SCMH1: variants seen among roughly 807,000 people sequenced by gnomAD.
The protein encoded by SCMH1 is polycomb protein SCMH1.
A neutral mutation model predicts 70.8 loss-of-function variants in SCMH1; 37 were observed. The ratio of observed to expected loss-of-function variants is 0.52; its 90% CI spans 0.40 to 0.69. The LOEUF (loss-of-function observed/expected upper bound fraction) is 0.69. Among genes scored for constraint, SCMH1 ranks in the 30% least tolerant of loss-of-function variants. SCMH1 has a pLI of 0.00. For missense variants in SCMH1, 607 were observed against 827.3 expected, an observed-to-expected ratio of 0.73 and a Z score of 3.27; for synonymous variants, 292 against 307.4, an observed-to-expected ratio of 0.95 and a Z score of 0.52.
At chr1:41,170,544 A>C (rs1646722673) in intron 2 of SCMH1, among the ~76,000 whole-genome samples, 1 of 152,078 alleles carries the variant, frequency 6.6e-6, no homozygotes, top group Non-Finnish European at 1.5e-5. Context: ...CACATTGCTG[A>C]CCCTACTATC....
chr1:41,076,591 T>C (rs1260470820), intron 8 of SCMH1, among the ~76,000 whole-genome samples: 1 of 152,172 alleles, frequency 6.6e-6, no homozygotes, highest in Non-Finnish European at 1.5e-5. Context: ...TGATTAAAAT[T>C]AATGCAGGGT....
intron 1 of SCMH1, among the ~76,000 whole-genome samples, chr1:41,226,393 T>G (rs1285437398): frequency 6.6e-6 from 1 of 151,974 alleles, no homozygotes; most frequent in Non-Finnish European, 1.5e-5. Context: ...AACTAGCAAA[T>G]ATAAAGCATA....
chr1:41,163,370 T>C lies in SCMH1; in HGVS notation c.14-1938A>G, dbSNP rs142767854. Among the ~76,000 whole-genome samples the C allele has an allele frequency of 1.7e-3, 259 of 152,230 alleles. 1 individual carries two copies. Among genetic ancestry groups the C allele is most frequent in the Non-Finnish European group, 2.7e-3 (186 of 68,006 alleles). On this transcript the variant is annotated intron_variant, in intron 2 of 14. Coordinates refer to ENST00000337495, the Ensembl canonical transcript of SCMH1. ...CTTGGAGGCGTGAGATCCAGGCTGA[T>C]AGCATGAGCAGCCTGCCAGGCCAAG...
chr1:41,054,806 G>T (rs1480498055), intron 10 of SCMH1, among the ~76,000 whole-genome samples: 1 of 152,156 alleles, frequency 6.6e-6, no homozygotes, highest in Non-Finnish European at 1.5e-5. Context: ...TACAGACAGG[G>T]TCTTGCTCTG....
At chr1:41,117,113 C>T (rs560011314) in intron 6 of SCMH1, 103 bp from the exon 7 acceptor site, 71 of 673,944 alleles carry the variant, frequency 1.1e-4, no homozygotes, top group Admixed American at 7.6e-4. Flanking sequence ...ACCGAGGGCA[C>T]GAGCTCTTCC....
intron 8 of SCMH1, among the ~76,000 whole-genome samples, chr1:41,091,380 G>A (rs904568201): frequency 6.6e-6 from 1 of 152,142 alleles, no homozygotes; most frequent in African/African-American, 2.4e-5. Context: ...TTGATGGGAT[G>A]TATCTCAAAA....
At chr1:41,052,441 T>C (rs2148726740) in intron 10 of SCMH1, among the ~76,000 whole-genome samples, 1 of 152,362 alleles carries the variant, frequency 6.6e-6, no homozygotes, top group South Asian at 2.1e-4. Context: ...AGTTTCATCC[T>C]GAAACCATCC....
At chr1:41,140,674 C>T (rs1267418061) in intron 6 of SCMH1, among the ~76,000 whole-genome samples, 1 of 152,118 alleles carries the variant, frequency 6.6e-6, no homozygotes, top group Non-Finnish European at 1.5e-5. Flanking sequence ...ACTGAGCACT[C>T]TAGTGTTCTG....
At chr1:41,222,464 G>GA (rs1476344914) in intron 1 of SCMH1, among the ~76,000 whole-genome samples, 2 of 151,786 alleles carry the variant, frequency 1.3e-5, no homozygotes, top group African/African-American at 2.4e-5. Flanking sequence ...CTTCATATAG[G>GA]AAAAAAACCC....
intron 11 of SCMH1, 81 bp downstream of exon 11, chr1:41,048,609 C>T (rs1281107903): frequency 1.6e-6 from 2 of 1,266,724 alleles, no homozygotes; most frequent in African/African-American, 2.9e-5. Flanking sequence ...AAGTGGGAAC[C>T]AGGATGCCTT....
chr1:41,053,723 CA>C (rs1449454839), intron 10 of SCMH1, among the ~76,000 whole-genome samples: 2 of 152,180 alleles, frequency 1.3e-5, no homozygotes, highest in African/African-American at 4.8e-5. Context: ...GGCTGACACA[CA>C]TGGCATTGGC....
chr1:41,113,627 G>A lies in SCMH1; in HGVS notation c.502-101C>T. ...GATGATTAAAAAGTGACTGCTACAT[G>A]AGACTTATAATGGATATATAGCCTT... is the stretch of plus-strand genomic sequence containing the variant. On this transcript the variant is annotated intron_variant, in intron 7 of 14. Coordinates refer to ENST00000337495, the Ensembl canonical transcript of SCMH1. This position sits in a 1 kb window ranked among gnomAD's most constrained non-coding sequence, Gnocchi z 4.3. 1.5e-6 allele frequency: 2 copies of A among 1,296,276 alleles called. No homozygotes were observed. The highest frequency in any genetic ancestry group is 1.6e-5 in the South Asian group (1 of 63,360). The allele number at this position is 1,296,276 out of a possible 1,614,324, so 80.3% of individuals were successfully genotyped here.
At chr1:41,190,663 A>G (rs959527287) in intron 1 of SCMH1, among the ~76,000 whole-genome samples, 2 of 152,208 alleles carry the variant, frequency 1.3e-5, no homozygotes, top group Non-Finnish European at 2.9e-5. Context: ...TGTAGCATGG[A>G]CAGTGTGTGT....
chr1:41,109,022 T>C (rs1668642116), intron 8 of SCMH1, among the ~76,000 whole-genome samples: 3 of 152,156 alleles, frequency 2.0e-5, no homozygotes, highest in Admixed American at 2.0e-4. Flanking sequence ...AAATGAAGCT[T>C]TGAAGAAGGG....
intron 10 of SCMH1, among the ~76,000 whole-genome samples, chr1:41,054,601 G>T (rs1361269186): frequency 5.3e-5 from 8 of 152,082 alleles, no homozygotes; most frequent in Admixed American, 5.2e-4. Context: ...GAATCTTAAG[G>T]GCAAGCCTCA....
intron 13 of SCMH1, among the ~76,000 whole-genome samples, chr1:41,035,147 C>A (rs972349734): frequency 2.0e-5 from 3 of 152,190 alleles, no homozygotes; most frequent in Non-Finnish European, 4.4e-5. Flanking sequence ...TCACAAAGTT[C>A]TTTGGCATGT....
chr1:41,088,961 C>T (rs896938284), intron 8 of SCMH1, among the ~76,000 whole-genome samples: 4 of 152,196 alleles, frequency 2.6e-5, no homozygotes, highest in Non-Finnish European at 4.4e-5. Context: ...TGTCTACACT[C>T]TAGTCCTTAG....
intron 5 of SCMH1, among the ~76,000 whole-genome samples, chr1:41,150,707 C>T (rs1332953564): frequency 1.3e-5 from 2 of 151,670 alleles, no homozygotes; most frequent in Non-Finnish European, 2.9e-5. Flanking sequence ...GAGGCCGAGG[C>T]GGGCAGATCA....
intron 8 of SCMH1, among the ~76,000 whole-genome samples, chr1:41,093,889 T>C (rs576037924): frequency 3.5e-4 from 53 of 152,228 alleles, no homozygotes; most frequent in Non-Finnish European, 6.6e-4. Flanking sequence ...ACAAATGCTA[T>C]TAGCTGTTTT....
Sources: allele counts gnomAD v4.1 joint callset (sites outside exome capture counted in the v4.1 genomes callset), GRCh38; gene constraint gnomAD v4.1.1; non-coding constraint Gnocchi (gnomAD v3.1); transcripts MANE v1.5; gene names NCBI Gene and HGNC (gene_info 2026-07-23, HGNC 2026-07-21).